TRIM2: variants seen among roughly 807,000 people sequenced by gnomAD.
The protein encoded by TRIM2 is tripartite motif containing 2, also known as tripartite motif-containing protein 2.
In TRIM2, 20 loss-of-function variants were observed where a neutral mutation model predicts 75.2. The observed-to-expected ratio is 0.27, with a 90% CI of 0.19 to 0.39. The LOEUF (loss-of-function observed/expected upper bound fraction) is 0.39, where lower values mean the gene tolerates loss of function less well. TRIM2 is among the 10% of genes least tolerant of loss of function. The pLI is 1.00. For missense variants in TRIM2, 660 were observed against 990.8 expected, an observed-to-expected ratio of 0.67 and a Z score of 4.48; for synonymous variants, 373 against 388.3, an observed-to-expected ratio of 0.96 and a Z score of 0.46.
chr4:153,298,862 T>C (rs775692456), intron 6 of TRIM2, among the ~76,000 whole-genome samples: 27 of 152,182 alleles, frequency 1.8e-4, no homozygotes, highest in Middle Eastern at 3.4e-3. Context: ...GCCTCCCAAG[T>C]AGCAGGGACC....
At chr4:153,175,432 C>G (rs1432837009) in intron 1 of TRIM2, among the ~76,000 whole-genome samples, 1 of 151,910 alleles carries the variant, frequency 6.6e-6, no homozygotes, top group African/African-American at 2.4e-5. Context: ...CTCACACTGC[C>G]GTGATGGTGG....
rs1463138410 is a variant in TRIM2 at position 153,293,128 on chromosome 4, CA to C, written c.604del (p.Arg202GlyfsTer5). 1 of 1,604,764 alleles carries C rather than the reference CA, an allele frequency of 6.2e-7. No individual in the cohort carries two copies. Among genetic ancestry groups the C allele is most frequent in the Non-Finnish European group, 8.5e-7 (1 of 1,173,064 alleles). On this transcript the variant is annotated frameshift_variant, in exon 4 of 12. Coordinates refer to ENST00000338700, the MANE Select transcript of TRIM2 (RefSeq NM_015271.5). LOFTEE classifies it high-confidence loss of function. The stretch of plus-strand genomic sequence containing the variant: ...TCCAGGTCCAGCTGGATGCTGTCAA[CA>C]AAAGGTGGGGGACCCCTCCCCAAAC... ...SLQVQLDAVN[K>X]RLPEIDSALQ...
At chr4:153,265,430 C>G (rs1409786457) in intron 1 of TRIM2, among the ~76,000 whole-genome samples, 3 of 151,570 alleles carry the variant, frequency 2.0e-5, no homozygotes, top group South Asian at 2.1e-4. Flanking sequence ...TGCAAGCTCT[C>G]CCTCCTGGAT....
intron 1 of TRIM2, among the ~76,000 whole-genome samples, chr4:153,178,315 G>A (rs1353988343): frequency 1.3e-5 from 2 of 152,000 alleles, no homozygotes; most frequent in Non-Finnish European, 1.5e-5. Flanking sequence ...CCAACCCCAC[G>A]CCGAACTCTG....
chr4:153,196,269 C>CA (rs199997361), intron 1 of TRIM2, among the ~76,000 whole-genome samples: 4,142 of 149,374 alleles, frequency 0.028, 158 homozygotes, highest in African/African-American at 0.085. Flanking sequence ...TACCACCCCC[C>CA]CCCACACACA....
chr4:153,309,385 T>C (rs1765749411), intron 6 of TRIM2, among the ~76,000 whole-genome samples: 1 of 152,210 alleles, frequency 6.6e-6, no homozygotes, highest in Non-Finnish European at 1.5e-5. Flanking sequence ...TGCTATCTCA[T>C]GGGATGGTAT....
chr4:153,268,868 C>T (rs191566912), intron 1 of TRIM2, among the ~76,000 whole-genome samples: 244 of 152,302 alleles, frequency 1.6e-3, no homozygotes, highest in Non-Finnish European at 2.6e-3. Context: ...TTCAAATGCC[C>T]AGACATGAAT....
chr4:153,259,715 A>G (rs1390513196), intron 1 of TRIM2, among the ~76,000 whole-genome samples: 2 of 152,168 alleles, frequency 1.3e-5, no homozygotes, highest in African/African-American at 2.4e-5. Context: ...TGTAGTTCAG[A>G]GTAGAATTTG....
chr4:153,327,740 C>A (rs924735461), intron 10 of TRIM2, among the ~76,000 whole-genome samples: 4 of 152,154 alleles, frequency 2.6e-5, no homozygotes, highest in Non-Finnish European at 5.9e-5. Flanking sequence ...TTAACCACAG[C>A]ACTCCACTGC....
intron 1 of TRIM2, among the ~76,000 whole-genome samples, chr4:153,180,948 C>T (rs1460421643): frequency 2.0e-5 from 3 of 152,214 alleles, no homozygotes; most frequent in African/African-American, 7.2e-5. Context: ...CCCCTGCCCT[C>T]AAAGAGATTG....
At chr4:153,288,792 G>A (rs1234601328) in intron 3 of TRIM2, among the ~76,000 whole-genome samples, 1 of 145,962 alleles carries the variant, frequency 6.9e-6, no homozygotes, top group Non-Finnish European at 1.5e-5. Flanking sequence ...TTTTTTTCCT[G>A]CCTCACAGAC....
rs1453541899 is a variant in TRIM2 at position 153,236,961 on chromosome 4, T to C, written c.30+32401T>C. On this transcript the variant is annotated intron_variant, in intron 1 of 11. Coordinates refer to ENST00000338700, the MANE Select transcript of TRIM2 (RefSeq NM_015271.5). The stretch of plus-strand genomic sequence containing the variant: ...CTCCTGCCTGGGCCTCCCAAAGTGC[T>C]CATGTAATATGCATGAGCCACCTCG... Among the ~76,000 whole-genome samples the C allele has an allele frequency of 5.3e-5, 8 of 152,218 alleles. No homozygotes were observed. In the East Asian group the frequency reaches 1.5e-3, roughly 29 times the overall value.
At chr4:153,252,403 A>G (rs1305766241) in intron 1 of TRIM2, among the ~76,000 whole-genome samples, 1 of 152,242 alleles carries the variant, frequency 6.6e-6, no homozygotes, top group East Asian at 1.9e-4. Context: ...TGGTTACTCC[A>G]TCCTGGGCTG....
At chr4:153,194,342 G>A (rs992663586) in intron 1 of TRIM2, among the ~76,000 whole-genome samples, 23 of 152,148 alleles carry the variant, frequency 1.5e-4, no homozygotes, top group Non-Finnish European at 4.4e-5. Flanking sequence ...TAGAAATAAA[G>A]AGAATGAACA....
Position 153,331,292 on chromosome 4 carries a change from C to T in TRIM2, c.2163+2622C>T, listed in dbSNP as rs185605525. 6.6e-3 allele frequency among the ~76,000 whole-genome samples: 1,004 copies of T among 152,146 alleles called. 6 individuals carry two copies. The highest frequency in any genetic ancestry group is 0.041 in the Middle Eastern group (12 of 294). ...GAGCTATGATTGTGCTACTGCACTC[C>T]AGCCTGGGTGACAGAGCAAGACCCT... On this transcript the variant is annotated intron_variant, in intron 11 of 11. Coordinates refer to ENST00000338700, the MANE Select transcript of TRIM2 (RefSeq NM_015271.5).
intron 1 of TRIM2, among the ~76,000 whole-genome samples, chr4:153,260,526 G>C (rs1330849164): frequency 6.6e-6 from 1 of 151,786 alleles, no homozygotes; most frequent in Non-Finnish European, 1.5e-5. Context: ...GCTTCCATTT[G>C]GTAAAAACCA....
rs1772694252 is a variant in TRIM2 at position 153,338,332 on chromosome 4, ACT to A, written c.*3369_*3370del. 2.0e-6 allele frequency: 2 copies of A among 985,692 alleles called. No individual in the cohort carries two copies. Among genetic ancestry groups the A allele is most frequent in the South Asian group, 4.7e-5 (1 of 21,278 alleles). 61.1% of individuals were successfully genotyped at this position (985,692 alleles called of 1,614,324 possible). A position where few individuals can be genotyped will look rare whatever the true frequency, so the allele number is the denominator to read the frequency against. On this transcript the variant is annotated 3_prime_UTR_variant, in exon 12 of 12. Coordinates refer to ENST00000338700, the MANE Select transcript of TRIM2 (RefSeq NM_015271.5). Reference sequence around the variant, plus strand: ...TCAAATGGGAAAAATCTTTTTGTAGACTCTATAGTACCCTCTCTATTCACTAG... The same window carrying A: ...TCAAATGGGAAAAATCTTTTTGTAGACTATAGTACCCTCTCTATTCACTAG...
chr4:153,290,047 A>G (rs1050121006), intron 3 of TRIM2, among the ~76,000 whole-genome samples: 4 of 152,252 alleles, frequency 2.6e-5, no homozygotes, highest in African/African-American at 9.6e-5. Context: ...CTAGTTATAT[A>G]TAATCTAGAA....
chr4:153,294,702 G>T (rs141047666), intron 5 of TRIM2, among the ~76,000 whole-genome samples: 52 of 152,186 alleles, frequency 3.4e-4, no homozygotes, highest in African/African-American at 1.2e-3. Flanking sequence ...TTGACAAGAG[G>T]CAAGGTTGAA....
Sources: gnomAD v4.1 joint callset for allele counts (sites outside exome capture counted in the v4.1 genomes callset) on GRCh38, gnomAD v4.1.1 for gene constraint, MANE v1.5 for transcripts, NCBI Gene and HGNC (gene_info 2026-07-23, HGNC 2026-07-21) for gene names.